The following LRIT3 variants were observed in gnomAD, a reference collection of about 807,000 sequenced individuals.
The protein encoded by LRIT3 is leucine rich repeat, Ig-like and transmembrane domains 3, also known as leucine-rich repeat, immunoglobulin-like domain and transmembrane domain-containing protein 3.
A neutral mutation model predicts 22.6 loss-of-function variants in LRIT3; 14 were observed. That is an observed-to-expected ratio of 0.62 (90% CI 0.41 to 0.97). LRIT3 has a LOEUF of 0.97. Among genes scored for constraint, LRIT3 ranks in the 50% least tolerant of loss-of-function variants. The pLI is 0.00. For missense variants in LRIT3, 783 were observed against 803.0 expected (o/e 0.98, Z 0.30); for synonymous variants, 306 against 304.5 (o/e 1.01, Z -0.05).
chr4:109,856,228 C>T (rs577915194), intron 2 of LRIT3, among the ~76,000 whole-genome samples: 2 of 152,278 alleles, frequency 1.3e-5, no homozygotes, highest in East Asian at 3.9e-4. Flanking sequence ...TTACAATTAT[C>T]AGAAGCATTT....
At chr4:109,850,422 C>CTTTCCTTCTTTCTTT (rs1553922077) in intron 1 of LRIT3, among the ~76,000 whole-genome samples, 1 of 55,088 alleles carries the variant, frequency 1.8e-5, no homozygotes, top group Non-Finnish European at 3.5e-5. Context: ...TTCCTTCCTT[C>CTTTCCTTCTTTCTTT]CTTTCTTTCT....
At chr4:109,850,406 C>CTTTCTTTCTTTCTTT (rs1475607293) in intron 1 of LRIT3, among the ~76,000 whole-genome samples, 8 of 1,480 alleles carry the variant, frequency 5.4e-3, no homozygotes, top group Admixed American at 0.013. Flanking sequence ...TTCCTTCCTT[C>CTTTCTTTCTTTCTTT]CTTCCTTCCT....
chr4:109,859,337 C>A (rs1018775797), intron 2 of LRIT3, among the ~76,000 whole-genome samples: 19 of 152,092 alleles, frequency 1.2e-4, no homozygotes, highest in Non-Finnish European at 1.3e-4. Flanking sequence ...TGAAGTAATT[C>A]TTTAACATAA....
chr4:109,865,319 A>G lies in LRIT3; in HGVS notation c.590-2322A>G, dbSNP rs372199732. 8.4e-5 allele frequency: 134 copies of G among 1,602,096 alleles called. No homozygotes were observed. In the African/African-American group the frequency reaches 1.4e-3, roughly 17 times the overall value. ...ATTACTTTTAAAATTTCTCTTTCATATATTTAAATCTGGCCTTCACATATC... is the reference window on the plus strand; with the variant it reads ...ATTACTTTTAAAATTTCTCTTTCATGTATTTAAATCTGGCCTTCACATATC... On this transcript the variant is annotated intron_variant, in intron 2 of 3. Coordinates refer to ENST00000594814, the MANE Select transcript of LRIT3 (RefSeq NM_198506.5).
rs994911493 is a variant in LRIT3, at chr4:109,871,124, A to T, written c.*335A>T. ...CTGTATTTAAAAATATAGTTTTTTG[A>T]GTCATGAGGAAACATTAGCAAAACC... On this transcript the variant is annotated 3_prime_UTR_variant, in exon 4 of 4. Coordinates refer to ENST00000594814, the MANE Select transcript of LRIT3 (RefSeq NM_198506.5). The T allele has an allele frequency of 2.2e-5, 4 of 180,428 alleles. No individual in the cohort carries two copies. The highest frequency in any genetic ancestry group is 3.7e-4 in the South Asian group (2 of 5,418). 11.2% of individuals were successfully genotyped at this position (180,428 alleles called of 1,614,324 possible). A position where few individuals can be genotyped will look rare whatever the true frequency, so the allele number is the denominator to read the frequency against.
chr4:109,870,615 A>G lies in LRIT3; in HGVS notation c.1866A>G (p.Ala622=). 6.2e-7 allele frequency: 1 copy of G among 1,613,892 alleles called. No individual in the cohort carries two copies. Among genetic ancestry groups the G allele is most frequent in the Non-Finnish European group, 8.5e-7 (1 of 1,179,808 alleles). The change falls in exon 4 of 4, where the codon GCA becomes GCG. Residue 622 remains alanine (A), a synonymous_variant. Transcript: ENST00000594814. ...AACCTTTTTGGGAAGATGATTTGGC[A>G]AAGGAGACTTATATCCAATTTGAGA... ...KSEPFWEDDL[A]KETYIQFETL...
chr4:109,848,475 C>A (rs1008250356), intron 1 of LRIT3, among the ~76,000 whole-genome samples, 158 bp downstream of exon 1: 4 of 152,192 alleles, frequency 2.6e-5, no homozygotes, highest in African/African-American at 9.6e-5. Flanking sequence ...TAACACTGGT[C>A]ACCTACTCCT....
intron 2 of LRIT3, among the ~76,000 whole-genome samples, chr4:109,853,375 A>T (rs893833579): frequency 6.6e-6 from 1 of 152,190 alleles, no homozygotes; most frequent in Non-Finnish European, 1.5e-5. Context: ...GGTTGCATAA[A>T]TGTCTTCTTT....
chr4:109,862,112 A>G (rs1734560851), intron 2 of LRIT3, among the ~76,000 whole-genome samples: 1 of 152,200 alleles, frequency 6.6e-6, no homozygotes, highest in South Asian at 2.1e-4. Flanking sequence ...CTGAGTAGGC[A>G]TAGTCTTTGC....
intron 3 of LRIT3, among the ~76,000 whole-genome samples, chr4:109,868,691 C>T (rs1734746925): frequency 6.6e-6 from 1 of 151,696 alleles, no homozygotes; most frequent in African/African-American, 2.4e-5. Flanking sequence ...ATTATATAGA[C>T]TTTTCAGATC....
chr4:109,865,301 T>C, intron 2 of LRIT3: 1 of 1,603,214 alleles, frequency 6.2e-7, no homozygotes, highest in Non-Finnish European at 8.5e-7. Context: ...CCTATTACTT[T>C]TAAAATTTCT....
At position 109,859,665 on chromosome 4, in the gene LRIT3, C is replaced by T. The variant is rs113312198; in HGVS notation, c.589+7689C>T. On this transcript the variant is annotated intron_variant, in intron 2 of 3. Transcript: ENST00000594814. ...TATGGACAGGTGCACCTCATGCATC[C>T]GTTTATAGGCTCTCCACAAGGGTCA... Among the ~76,000 whole-genome samples the T allele has an allele frequency of 6.9e-3, 1,045 of 152,244 alleles. 10 individuals are homozygous for T. The highest frequency in any genetic ancestry group is 0.024 in the African/African-American group (989 of 41,540).
intron 1 of LRIT3, among the ~76,000 whole-genome samples, chr4:109,848,735 C>T (rs1734136562): frequency 6.6e-6 from 1 of 152,180 alleles, no homozygotes; most frequent in Non-Finnish European, 1.5e-5. Context: ...CCTTTGAGAA[C>T]TATTCATGCC....
rs376071297 is a variant in LRIT3 at position 109,857,193 on chromosome 4, A to C, written c.589+5217A>C. Among the ~76,000 whole-genome samples, 8 of 151,394 alleles carry C rather than the reference A, an allele frequency of 5.3e-5. No individual in the cohort carries two copies. The East Asian group carries it at 7.8e-4, about 15-fold the overall frequency. On this transcript the variant is annotated intron_variant, in intron 2 of 3. Coordinates refer to ENST00000594814, the MANE Select transcript of LRIT3 (RefSeq NM_198506.5). ...ATAACATATATGGTGGTTTAACACAACTTTTAAGTGGTATAGTTTTGTTGG... is the reference window on the plus strand; with the variant it reads ...ATAACATATATGGTGGTTTAACACACCTTTTAAGTGGTATAGTTTTGTTGG...
rs753763875 is a variant in LRIT3, at chr4:109,870,064, A to G, written c.1315A>G (p.Lys439Glu). 1 of 1,614,216 alleles carries G rather than the reference A, an allele frequency of 6.2e-7. No homozygotes were observed. The highest frequency in any genetic ancestry group is 8.5e-7 in the Non-Finnish European group (1 of 1,180,040). Residue 439 changes from lysine (K) to glutamate (E), a missense_variant, in exon 4 of 4, where the codon AAG (lysine) becomes GAG (glutamate). Around this residue, in one of 2 missense-constraint regions of LRIT3, gnomAD observed 756 missense variants for 753.8 expected, o/e 1.00. Transcript: ENST00000594814. ...CTCAGCAAGTACCACCATGGCCAAC[A>G]AGCGATCATTCCAGCTCCACCAAGG... is the stretch of plus-strand genomic sequence containing the variant. ...SISASTTMANKRSFQLHQGGK... is the reference protein window; with the variant it reads ...SISASTTMANERSFQLHQGGK...
intron 2 of LRIT3, among the ~76,000 whole-genome samples, chr4:109,866,320 A>G (rs111704537): frequency 0.016 from 2,443 of 152,226 alleles, 32 homozygotes; most frequent in Non-Finnish European, 0.024. Context: ...TGAGGCTGTT[A>G]TGGAACATCA....
Position 109,870,606 on chromosome 4 carries a change from T to C in LRIT3, c.1857T>C (p.Asp619=), listed in dbSNP as rs1734811127. 4.3e-6 allele frequency: 7 copies of C among 1,613,856 alleles called. No individual in the cohort carries two copies. The highest frequency in any genetic ancestry group is 5.9e-6 in the Non-Finnish European group (7 of 1,179,770). The part of the protein sequence containing the change: ...LQCKSEPFWE[D]DLAKETYIQF... ...GTAAATCAGAACCTTTTTGGGAAGA[T>C]GATTTGGCAAAGGAGACTTATATCC... The change falls in exon 4 of 4, where the codon GAT becomes GAC. Residue 619 remains aspartate (D), a synonymous_variant. Coordinates refer to ENST00000594814, the MANE Select transcript of LRIT3 (RefSeq NM_198506.5).
chr4:109,867,420 G>T (rs1734709142), intron 2 of LRIT3, among the ~76,000 whole-genome samples: 1 of 152,096 alleles, frequency 6.6e-6, no homozygotes, highest in Admixed American at 6.5e-5. Context: ...TGCTCAATAA[G>T]TATTAGCCAT....
rs769080143 is a variant in LRIT3 at position 109,851,939 on chromosome 4, T to G, written c.552T>G (p.Ser184=). Residue 184 remains serine, a synonymous_variant, in exon 2 of 4, where the codon TCT becomes TCG. Transcript: ENST00000594814. ...GGACTCATTTAGTTTCAACACCTTCTGGAGTCCTGGACCTTTCCCCAAGCA... is the reference window on the plus strand; with the variant it reads ...GGACTCATTTAGTTTCAACACCTTCGGGAGTCCTGGACCTTTCCCCAAGCA... ...ESWTHLVSTP[S]GVLDLSPSRI... is the part of the protein sequence containing the mutation. 6.4e-7 allele frequency: 1 copy of G among 1,551,422 alleles called. No homozygotes were observed. The highest frequency in any genetic ancestry group is 8.7e-7 in the Non-Finnish European group (1 of 1,146,864).
Sources: allele counts gnomAD v4.1 joint callset (sites outside exome capture counted in the v4.1 genomes callset), GRCh38; gene constraint gnomAD v4.1.1; regional missense constraint gnomAD v4.1.1; transcripts MANE v1.5; gene names NCBI Gene and HGNC (gene_info 2026-07-23, HGNC 2026-07-21).